CTNNA3: variants seen among roughly 807,000 people sequenced by gnomAD.
The protein encoded by CTNNA3 is catenin alpha-3.
Under a neutral mutation model 95.7 loss-of-function variants are expected in CTNNA3, and 76 were observed. The ratio of observed to expected loss-of-function variants is 0.79; its 90% CI spans 0.66 to 0.96. The LOEUF (loss-of-function observed/expected upper bound fraction) is 0.96. Among genes scored for constraint, CTNNA3 ranks in the 40% least tolerant of loss-of-function variants. The pLI is 0.00. For synonymous variants in CTNNA3, 431 were observed against 374.4 expected (o/e 1.15, Z -1.74); for missense variants, 1,191 against 1,089.8 (o/e 1.09, Z -1.31).
intron 5 of CTNNA3, among the ~76,000 whole-genome samples, chr10:67,441,822 A>G (rs1846530717): frequency 6.6e-6 from 1 of 152,148 alleles, no homozygotes. Context: ...TCAAGCAGAA[A>G]GAAAAGGATA....
At chr10:66,738,938 T>G (rs937961359) in intron 9 of CTNNA3, among the ~76,000 whole-genome samples, 1 of 152,204 alleles carries the variant, frequency 6.6e-6, no homozygotes, top group Non-Finnish European at 1.5e-5. Flanking sequence ...CCTTTTCACC[T>G]CTAAACATGC....
At chr10:66,433,479 CT>C (rs1481094151) in intron 11 of CTNNA3, among the ~76,000 whole-genome samples, 1 of 152,126 alleles carries the variant, frequency 6.6e-6, no homozygotes, top group Non-Finnish European at 1.5e-5. Flanking sequence ...CCTTTGCCCA[CT>C]TTTTGATGGG....
At chr10:66,464,546 A>T (rs1041916382) in intron 11 of CTNNA3, among the ~76,000 whole-genome samples, 23 of 152,040 alleles carry the variant, frequency 1.5e-4, no homozygotes, top group African/African-American at 5.3e-4. Context: ...GTGGATCACT[A>T]GAGGTCAGGA....
intron 13 of CTNNA3, among the ~76,000 whole-genome samples, chr10:66,276,076 A>C (rs2132145556): frequency 6.6e-6 from 1 of 152,244 alleles, no homozygotes; most frequent in African/African-American, 2.4e-5. Context: ...GGGCCATGTA[A>C]ATTTATCTTA....
rs998503507 is a variant in CTNNA3, at chr10:66,630,741, G to A, written c.1282-8957C>T. Among the ~76,000 whole-genome samples, 15 of 148,808 alleles carry A rather than the reference G, an allele frequency of 1.0e-4. 1 individual carries two copies. Among genetic ancestry groups the A allele is most frequent in the Admixed American group, 2.7e-4 (4 of 14,834 alleles). On this transcript the variant is annotated intron_variant, in intron 9 of 17. Transcript: ENST00000433211. ...CTTCTCTTTCTCCTAGTGAAGCAGC[G>A]CTGCTCTGCTTCCCTTGGTAGTAAT...
chr10:66,230,135 A>C (rs957966359), intron 13 of CTNNA3, among the ~76,000 whole-genome samples: 4 of 151,852 alleles, frequency 2.6e-5, no homozygotes, highest in Non-Finnish European at 5.9e-5. Context: ...ATAAGCTATT[A>C]TTTTTTCTTG....
At chr10:67,085,671 T>C (rs1342065845) in intron 7 of CTNNA3, among the ~76,000 whole-genome samples, 1 of 152,024 alleles carries the variant, frequency 6.6e-6, no homozygotes, top group African/African-American at 2.4e-5. Flanking sequence ...ACATATTAGC[T>C]CATCCCTTAT....
chr10:67,169,714 G>A (rs1861931232), intron 7 of CTNNA3, among the ~76,000 whole-genome samples: 1 of 152,120 alleles, frequency 6.6e-6, no homozygotes, highest in Non-Finnish European at 1.5e-5. Flanking sequence ...CTGGACATAG[G>A]AATGGGCAAA....
At chr10:67,653,295 C>A (rs1839929146) in intron 1 of CTNNA3, among the ~76,000 whole-genome samples, 1 of 152,162 alleles carries the variant, frequency 6.6e-6, no homozygotes, top group Non-Finnish European at 1.5e-5. Context: ...AGAAATCCGC[C>A]CCCAAAGTCC....
intron 13 of CTNNA3, among the ~76,000 whole-genome samples, chr10:66,183,992 T>C (rs1025376659): frequency 6.6e-6 from 1 of 152,206 alleles, no homozygotes; most frequent in Non-Finnish European, 1.5e-5. Context: ...TCTCACTTTA[T>C]AACTTGTATT....
At chr10:66,536,077 G>A (rs965773005) in intron 10 of CTNNA3, among the ~76,000 whole-genome samples, 30 of 151,956 alleles carry the variant, frequency 2.0e-4, no homozygotes, top group African/African-American at 7.0e-4. Context: ...TTGACATAGA[G>A]AGCTATAGAT....
chr10:66,097,792 C>A (rs767315244), intron 14 of CTNNA3, among the ~76,000 whole-genome samples: 2 of 152,096 alleles, frequency 1.3e-5, no homozygotes, highest in Non-Finnish European at 1.5e-5. Flanking sequence ...GTCTCTACTA[C>A]GACTGCTGCC....
At chr10:66,499,461 A>T (rs548115573) in intron 11 of CTNNA3, among the ~76,000 whole-genome samples, 54 of 152,294 alleles carry the variant, frequency 3.5e-4, no homozygotes, top group African/African-American at 1.2e-3. Context: ...CCATATTTTG[A>T]CATTAAAAAA....
At chr10:67,222,283 G>A (rs922635550) in intron 5 of CTNNA3, among the ~76,000 whole-genome samples, 2 of 152,262 alleles carry the variant, frequency 1.3e-5, no homozygotes, top group South Asian at 4.1e-4. Context: ...CCCAAGAAAA[G>A]ACACTATGGT....
At chr10:67,164,119 T>G (rs1052609578) in intron 7 of CTNNA3, among the ~76,000 whole-genome samples, 1 of 151,914 alleles carries the variant, frequency 6.6e-6, no homozygotes, top group Non-Finnish European at 1.5e-5. Flanking sequence ...AAAATTATTG[T>G]AAAATATACA....
chr10:67,261,989 G>A (rs1173833559), intron 5 of CTNNA3, among the ~76,000 whole-genome samples: 1 of 152,022 alleles, frequency 6.6e-6, no homozygotes, highest in African/African-American at 2.4e-5. Context: ...ACTGTTCTAT[G>A]TATACTATCT....
intron 7 of CTNNA3, among the ~76,000 whole-genome samples, chr10:66,849,511 G>A (rs1455863974): frequency 6.6e-6 from 1 of 152,256 alleles, no homozygotes; most frequent in East Asian, 1.9e-4. Context: ...TTCAGAAATA[G>A]TGTGTTGTAG....
chr10:67,381,262 G>A (rs530089953), intron 5 of CTNNA3, among the ~76,000 whole-genome samples: 3 of 152,224 alleles, frequency 2.0e-5, no homozygotes, highest in South Asian at 2.1e-4. Flanking sequence ...ATGAAACTAC[G>A]TGTAAGGAGA....
intron 2 of CTNNA3, among the ~76,000 whole-genome samples, chr10:67,641,134 G>A (rs1201427311): frequency 6.6e-6 from 1 of 151,942 alleles, no homozygotes; most frequent in African/African-American, 2.4e-5. Flanking sequence ...TCCAGAATCT[G>A]CAAAGAACTC....
Sources: allele counts gnomAD v4.1 joint callset (sites outside exome capture counted in the v4.1 genomes callset), GRCh38; gene constraint gnomAD v4.1.1; transcripts MANE v1.5; gene names NCBI Gene and HGNC (gene_info 2026-07-23, HGNC 2026-07-21).